Variants in AGBL4 observed in about 807,000 individuals in gnomAD.
AGBL4 encodes cytosolic carboxypeptidase 6.
A neutral mutation model predicts 66.4 loss-of-function variants in AGBL4; 58 were observed. The ratio of observed to expected loss-of-function variants is 0.87; its 90% CI spans 0.71 to 1.09. The LOEUF (loss-of-function observed/expected upper bound fraction) is 1.09, where lower values mean the gene tolerates loss of function less well. Among genes scored for constraint, AGBL4 ranks in the 50% least tolerant of loss-of-function variants. AGBL4 has a pLI of 0.00. For missense variants in AGBL4, 579 were observed against 631.0 expected (o/e 0.92, Z 0.88); for synonymous variants, 234 against 222.9 (o/e 1.05, Z -0.44).
At chr1:49,431,761 T>C (rs565588779) in intron 3 of AGBL4, among the ~76,000 whole-genome samples, 1 of 152,242 alleles carries the variant, frequency 6.6e-6, no homozygotes. Context: ...ACATCTGCTA[T>C]TAAACTTATA....
intron 11 of AGBL4, among the ~76,000 whole-genome samples, chr1:48,543,816 T>C (rs1407701887): frequency 2.0e-5 from 3 of 152,268 alleles, no homozygotes; most frequent in Admixed American, 2.0e-4. Context: ...CACTGGCTGC[T>C]TTGCCTACAA....
At chr1:48,570,729 C>G (rs574789069) in intron 11 of AGBL4, among the ~76,000 whole-genome samples, 4 of 152,274 alleles carry the variant, frequency 2.6e-5, no homozygotes, top group African/African-American at 7.2e-5. Context: ...AAATGTTGTG[C>G]ATTCCCAGAA....
chr1:49,913,688 C>A (rs1394151963), intron 1 of AGBL4, among the ~76,000 whole-genome samples: 2 of 152,366 alleles, frequency 1.3e-5, no homozygotes, highest in African/African-American at 2.4e-5. Context: ...GCTGCCTGGG[C>A]AACTAGGCTA....
intron 3 of AGBL4, among the ~76,000 whole-genome samples, chr1:49,407,195 A>C (rs1049730945): frequency 4.6e-5 from 7 of 152,088 alleles, no homozygotes; most frequent in Non-Finnish European, 1.0e-4. Flanking sequence ...AATAAACTTT[A>C]AGTAAGCAGA....
At chr1:49,535,351 ATATGT>A (rs1295253943) in intron 3 of AGBL4, among the ~76,000 whole-genome samples, 3 of 147,824 alleles carry the variant, frequency 2.0e-5, no homozygotes, top group Non-Finnish European at 4.5e-5. Flanking sequence ...TGACATAATA[ATATGT>A]TATATTATTA....
intron 6 of AGBL4, among the ~76,000 whole-genome samples, chr1:48,705,042 T>C (rs916672293): frequency 6.6e-6 from 1 of 152,168 alleles, no homozygotes. Context: ...GCGATGGGAA[T>C]TTTTCAGCTC....
intron 5 of AGBL4, among the ~76,000 whole-genome samples, chr1:49,014,357 C>T (rs12027340): frequency 0.045 from 6,828 of 152,242 alleles, 184 homozygotes; most frequent in East Asian, 0.075. Context: ...ATAATATTGT[C>T]GTTAAGTGTA....
At chr1:48,799,897 A>G (rs1268890606) in intron 6 of AGBL4, among the ~76,000 whole-genome samples, 4 of 152,132 alleles carry the variant, frequency 2.6e-5, no homozygotes, top group Admixed American at 2.6e-4. Context: ...GGATTCAGTT[A>G]GCTAGTGTTT....
intron 4 of AGBL4, among the ~76,000 whole-genome samples, chr1:49,074,090 C>T (rs1398150020): frequency 2.0e-5 from 3 of 152,210 alleles, no homozygotes; most frequent in African/African-American, 4.8e-5. Flanking sequence ...CTCCCCCCAC[C>T]AAGCTCCAGC....
At chr1:49,887,376 G>A (rs1011579427) in intron 1 of AGBL4, among the ~76,000 whole-genome samples, 1 of 151,776 alleles carries the variant, frequency 6.6e-6, no homozygotes, top group African/African-American at 2.4e-5. Flanking sequence ...TACAAACTGA[G>A]TCTTCAGTAG....
At chr1:49,549,786 C>T (rs1012650828) in intron 3 of AGBL4, among the ~76,000 whole-genome samples, 1 of 152,090 alleles carries the variant, frequency 6.6e-6, no homozygotes, top group African/African-American at 2.4e-5. Flanking sequence ...CTGCATATAT[C>T]TGTTAAGTCC....
chr1:49,713,681 C>G (rs951248014), intron 2 of AGBL4, among the ~76,000 whole-genome samples: 3 of 151,868 alleles, frequency 2.0e-5, no homozygotes, highest in Non-Finnish European at 4.4e-5. Flanking sequence ...CAATAAAAGA[C>G]TTTCAAGCAA....
chr1:50,019,876 T>G (rs1662312974), intron 1 of AGBL4, among the ~76,000 whole-genome samples: 1 of 152,066 alleles, frequency 6.6e-6, no homozygotes, highest in Non-Finnish European at 1.5e-5. Context: ...TTATTAGTAT[T>G]GATAATCAAA....
intron 4 of AGBL4, among the ~76,000 whole-genome samples, chr1:49,210,851 C>T (rs1648610076): frequency 6.6e-6 from 1 of 152,066 alleles, no homozygotes; most frequent in Non-Finnish European, 1.5e-5. Context: ...ATAATTCTAC[C>T]CTTTCCTTTG....
intron 4 of AGBL4, among the ~76,000 whole-genome samples, chr1:49,110,972 T>C (rs1016113628): frequency 6.6e-6 from 1 of 152,108 alleles, no homozygotes; most frequent in South Asian, 2.1e-4. Flanking sequence ...AAAAAGCATA[T>C]CAATTTGGAT....
At chr1:49,213,612 C>T (rs1303244437) in intron 4 of AGBL4, among the ~76,000 whole-genome samples, 2 of 152,076 alleles carry the variant, frequency 1.3e-5, no homozygotes, top group Non-Finnish European at 2.9e-5. Context: ...GCTATGCTTC[C>T]TGTACAGCTG....
intron 3 of AGBL4, among the ~76,000 whole-genome samples, chr1:49,468,787 G>A (rs1646681388): frequency 1.3e-5 from 2 of 151,830 alleles, no homozygotes; most frequent in South Asian, 2.1e-4. Flanking sequence ...TTGACTCCAT[G>A]AAAGTGCATT....
At chr1:48,852,115 G>A (rs1647048849) in intron 6 of AGBL4, among the ~76,000 whole-genome samples, 1 of 144,486 alleles carries the variant, frequency 6.9e-6, no homozygotes, top group African/African-American at 2.6e-5. Context: ...TTTTAGGGAT[G>A]AAAGACTTGA....
chr1:49,961,637 C>T (rs1267503457), intron 1 of AGBL4, among the ~76,000 whole-genome samples: 1 of 151,998 alleles, frequency 6.6e-6, no homozygotes, highest in Non-Finnish European at 1.5e-5. Flanking sequence ...ATAAAAGATG[C>T]TTTGAATAGT....
Sources: allele counts gnomAD v4.1 joint callset (sites outside exome capture counted in the v4.1 genomes callset), GRCh38; gene constraint gnomAD v4.1.1; transcripts MANE v1.5; gene names NCBI Gene and HGNC (gene_info 2026-07-23, HGNC 2026-07-21).